The following PCSK4 variants were observed in gnomAD, a reference collection of about 807,000 sequenced individuals.
PCSK4 encodes testicular tissue protein Li 135.
Under a neutral mutation model 80.3 loss-of-function variants are expected in PCSK4, and 64 were observed. That is an observed-to-expected ratio of 0.80 (90% CI 0.65 to 0.98). PCSK4 has a LOEUF of 0.98. PCSK4 is among the 50% of genes least tolerant of loss of function. PCSK4 has a pLI of 0.00. For synonymous variants in PCSK4, 561 were observed against 487.6 expected (o/e 1.15, Z -1.98); for missense variants, 1,213 against 1,093.6 (o/e 1.11, Z -1.54).
At chr19:1,483,663 G>T (rs1433672400) in exon 11 of PCSK4, 9 of 1,592,796 alleles carry the variant, frequency 5.7e-6, no homozygotes, top group Non-Finnish European at 6.8e-6. Flanking sequence ...GGGCGGCTCT[G>T]GACCCGGACG....
exon 15 of PCSK4, chr19:1,481,987 C>T: frequency 6.3e-7 from 1 of 1,594,410 alleles, no homozygotes; most frequent in South Asian, 1.1e-5. Context: ...TGCAGGAGCC[C>T]TGCTGCTGGT....
chr19:1,488,222 G>T (rs1349870889), exon 3 of PCSK4: 1 of 1,613,442 alleles, frequency 6.2e-7, no homozygotes, highest in Admixed American at 1.7e-5. Flanking sequence ...GGGGTCCGTG[G>T]GCACCACGAC....
intron 2 of PCSK4, 90 bp from the exon 3 acceptor site, chr19:1,488,370 A>C: frequency 1.0e-6 from 1 of 959,068 alleles, no homozygotes; most frequent in South Asian, 1.4e-5. Context: ...GTGCCCTGGG[A>C]CCCTGTGTTT....
At chr19:1,489,636 G>A in intron 2 of PCSK4, 157 bp downstream of exon 2, 1 of 1,319,332 alleles carries the variant, frequency 7.6e-7, no homozygotes, top group Non-Finnish European at 1.0e-6. Context: ...GGGTCTTCCT[G>A]CCTCCTCTTG....
At chr19:1,487,306 C>T in exon 7 of PCSK4, 1 of 1,589,514 alleles carries the variant, frequency 6.3e-7, no homozygotes, top group Non-Finnish European at 8.5e-7. Context: ...CGTCCAGCAT[C>T]CGTACGCCTG....
chr19:1,482,845 G>A (rs372597467), intron 13 of PCSK4, 51 bp downstream of exon 13: 21 of 1,595,336 alleles, frequency 1.3e-5, no homozygotes, highest in Non-Finnish European at 1.8e-5. Context: ...AGCCCCTGGG[G>A]GGAGGTTGGA....
chr19:1,488,464 T>C (rs1353118757), intron 2 of PCSK4, among the ~76,000 whole-genome samples, 184 bp from the exon 3 acceptor site: 1 of 152,136 alleles, frequency 6.6e-6, no homozygotes, highest in Non-Finnish European at 1.5e-5. Flanking sequence ...CCACCTGTCC[T>C]TGGGCCCACA....
At chr19:1,482,911 A>G (rs1398821618) in exon 13 of PCSK4, 2 of 1,600,878 alleles carry the variant, frequency 1.2e-6, no homozygotes, top group Non-Finnish European at 8.5e-7. Flanking sequence ...TTGAAATAGT[A>G]GCCCTTGTTC....
chr19:1,483,240 C>G (rs1366631665), intron 12 of PCSK4, 44 bp downstream of exon 12: 1 of 1,485,006 alleles, frequency 6.7e-7, no homozygotes. Flanking sequence ...CAGCGTTTAC[C>G]GACAGGGCAT....
intron 13 of PCSK4, 82 bp downstream of exon 13, chr19:1,482,814 G>A (rs1309796778): frequency 6.8e-6 from 10 of 1,468,316 alleles, no homozygotes; most frequent in East Asian, 2.3e-5. Flanking sequence ...TTTGCAGTGC[G>A]GTCACCAAGG....
At chr19:1,484,092 C>A (rs1260234937) in exon 9 of PCSK4, 1 of 1,566,798 alleles carries the variant, frequency 6.4e-7, no homozygotes, top group Non-Finnish European at 8.6e-7. Flanking sequence ...TGCCCGTGTG[C>A]TGGTCTGTGC....
chr19:1,488,467 G>T (rs150945996), intron 2 of PCSK4, among the ~76,000 whole-genome samples, 187 bp from the exon 3 acceptor site: 6,394 of 152,092 alleles, frequency 0.042, 170 homozygotes, highest in Middle Eastern at 0.11. Context: ...CCTGTCCTTG[G>T]GCCCACAGAC....
chr19:1,487,678 A>G (rs1477458957), exon 6 of PCSK4: 2 of 1,554,672 alleles, frequency 1.3e-6, no homozygotes. Flanking sequence ...TCCCCAGCAC[A>G]GCGGGTCCCG....
chr19:1,486,955 C>G lies in PCSK4; in HGVS notation c.966G>C (p.Val322=), dbSNP rs1469661294. 4 of 1,608,086 alleles carry G rather than the reference C, an allele frequency of 2.5e-6. No individual in the cohort carries two copies. The South Asian group carries it at 4.4e-5, about 18-fold the overall frequency. ...CGCGGCCCTGCTGGGTGGTGCTGCC[C>G]ACGGAAAGCGTGTGGATGCTGTTGG... The change falls in exon 8 of 15, where the codon GTG becomes GTC. Residue 322 remains valine (V), a synonymous_variant. Transcript: ENST00000300954.
intron 2 of PCSK4, among the ~76,000 whole-genome samples, chr19:1,489,262 G>T (rs2084808009): frequency 6.6e-6 from 1 of 151,616 alleles, no homozygotes; most frequent in African/African-American, 2.4e-5. Flanking sequence ...CTCCTGAATA[G>T]CTGGGACTAC....
Position 1,481,732 on chromosome 19 carries a change from GC to G in PCSK4, c.*26del. The stretch of plus-strand genomic sequence containing the variant: ...GTGCCTGTCAGGGACCCAGGCGGGG[GC>G]AAGGTCGCTTTCTGAGCTGACAACT... On this transcript the variant is annotated 3_prime_UTR_variant, in exon 15 of 15. Coordinates refer to ENST00000300954, the Ensembl canonical transcript of PCSK4. 8 of 1,459,342 alleles carry G rather than the reference GC, an allele frequency of 5.5e-6. No homozygotes were observed. In the South Asian group the frequency reaches 5.7e-5, roughly 10 times the overall value. 90.4% of individuals were successfully genotyped at this position (1,459,342 alleles called of 1,614,324 possible).
exon 15 of PCSK4, chr19:1,482,092 C>T (rs1024623158): frequency 5.2e-6 from 8 of 1,549,774 alleles, no homozygotes; most frequent in African/African-American, 1.4e-5. Flanking sequence ...AGACCCTCAG[C>T]GCGGGCGCCG....
intron 8 of PCSK4, among the ~76,000 whole-genome samples, chr19:1,484,749 G>A (rs570124335): frequency 4.6e-5 from 7 of 151,986 alleles, no homozygotes; most frequent in Admixed American, 1.3e-4. Context: ...GGAGGCAGAG[G>A]TTGCAGTGAG....
chr19:1,489,563 G>T (rs1293529926), intron 2 of PCSK4: 16 of 657,006 alleles, frequency 2.4e-5, no homozygotes, highest in South Asian at 6.5e-5. Flanking sequence ...AGAGGAGGGA[G>T]GGGGAGGACA....
Sources: allele counts gnomAD v4.1 joint callset (sites outside exome capture counted in the v4.1 genomes callset), GRCh38; gene constraint gnomAD v4.1.1; transcripts MANE v1.5; gene names NCBI Gene and HGNC (gene_info 2026-07-23, HGNC 2026-07-21).